ARHGAP6: variants seen among roughly 807,000 people sequenced by gnomAD.
ARHGAP6 encodes the protein rho GTPase-activating protein 6.
In ARHGAP6, 16 loss-of-function variants were observed where a neutral mutation model predicts 55.7. The observed-to-expected ratio is 0.29, with a 90% CI of 0.19 to 0.44. The LOEUF (loss-of-function observed/expected upper bound fraction) is 0.44. ARHGAP6 is among the 20% of genes least tolerant of loss of function. The pLI, the probability that ARHGAP6 is intolerant of heterozygous loss-of-function variation, is 1.00. For synonymous variants in ARHGAP6, 382 were observed against 360.9 expected, an observed-to-expected ratio of 1.06 and a Z score of -0.66; for missense variants, 698 against 808.9, an observed-to-expected ratio of 0.86 and a Z score of 1.66.
rs2052750984 is a variant in ARHGAP6 at position 11,665,720 on chromosome X, C to A, written c.-892G>T. The A allele has an allele frequency of 8.8e-6, 1 of 113,004 alleles. No individual in the cohort carries two copies. Among genetic ancestry groups the A allele is most frequent in the Admixed American group, 9.3e-5 (1 of 10,802 alleles). The allele number at this position is 113,004 out of a possible 1,213,427, so 9.3% of individuals were successfully genotyped here. On this transcript the variant is annotated 5_prime_UTR_variant, in exon 1 of 13. Transcript: ENST00000337414. ...CCCAGCCTTGGGCCCAGGGCAGACGCGGAGATGACCCCGTACGCTCGCTCT... is the reference window on the plus strand; with the variant it reads ...CCCAGCCTTGGGCCCAGGGCAGACGAGGAGATGACCCCGTACGCTCGCTCT...
chrX:11,183,249 T>C (rs924104219), intron 5 of ARHGAP6, among the ~76,000 whole-genome samples: 1 of 111,445 alleles, frequency 9.0e-6, no homozygotes, highest in Non-Finnish European at 1.9e-5. Context: ...ATGCAAAATA[T>C]TCTATTGTAT....
intron 1 of ARHGAP6, among the ~76,000 whole-genome samples, chrX:11,618,015 G>A (rs973281899): frequency 9.0e-6 from 1 of 111,585 alleles, no homozygotes. Flanking sequence ...TATTTATAAG[G>A]GAAAGAGGGA....
At chrX:11,142,351 A>T (rs373864959) in intron 11 of ARHGAP6, 38 bp from the exon 12 acceptor site, 2 of 998,458 alleles carry the variant, frequency 2.0e-6, no homozygotes, top group Non-Finnish European at 2.8e-6. Context: ...ATAACACAAA[A>T]GGAAAATTAA....
chrX:11,439,171 T>G (rs1302868757), intron 1 of ARHGAP6, among the ~76,000 whole-genome samples: 2 of 112,488 alleles, frequency 1.8e-5, no homozygotes, highest in African/African-American at 6.5e-5. Flanking sequence ...AGCATGTTGC[T>G]TTTCAACCAA....
chrX:11,579,877 C>G (rs1266443856), intron 1 of ARHGAP6, among the ~76,000 whole-genome samples: 1 of 112,035 alleles, frequency 8.9e-6, no homozygotes, highest in African/African-American at 3.2e-5. Context: ...GAGACAAAAT[C>G]TCCCCCAAGG....
At chrX:11,185,821 A>G (rs1186463557) in intron 5 of ARHGAP6, among the ~76,000 whole-genome samples, 1 of 111,403 alleles carries the variant, frequency 9.0e-6, no homozygotes, top group Non-Finnish European at 1.9e-5. Context: ...ATGATTCCCC[A>G]ATTTTTTTTT....
At chrX:11,599,737 T>C (rs1395959725) in intron 1 of ARHGAP6, among the ~76,000 whole-genome samples, 1 of 111,619 alleles carries the variant, frequency 9.0e-6, no homozygotes, top group Non-Finnish European at 1.9e-5. Context: ...CAATAGTGTA[T>C]ACTTGAAATT....
chrX:11,230,665 A>G (rs1296560664), intron 2 of ARHGAP6, among the ~76,000 whole-genome samples: 4 of 107,725 alleles, frequency 3.7e-5, no homozygotes, highest in Non-Finnish European at 5.8e-5. Flanking sequence ...ATACGTATAT[A>G]TGTGTGTGTG....
chrX:11,312,347 T>C lies in ARHGAP6; in HGVS notation c.589-57640A>G, dbSNP rs543128477. ...AAAGCAGGTCTTGAACTAAAAAGAATTAGACCAAAAAAGACAAAAATATTA... is the reference window on the plus strand; with the variant it reads ...AAAGCAGGTCTTGAACTAAAAAGAACTAGACCAAAAAAGACAAAAATATTA... On this transcript the variant is annotated intron_variant, in intron 1 of 12. Coordinates refer to ENST00000337414, the MANE Select transcript of ARHGAP6 (RefSeq NM_013427.3). Among the ~76,000 whole-genome samples, 86 of 111,926 alleles carry C rather than the reference T, an allele frequency of 7.7e-4. No homozygotes were observed. In the Middle Eastern group the frequency reaches 0.014, roughly 18 times the overall value.
intron 1 of ARHGAP6, among the ~76,000 whole-genome samples, chrX:11,257,457 T>C (rs1341162261): frequency 8.9e-6 from 1 of 112,170 alleles, no homozygotes; most frequent in Non-Finnish European, 1.9e-5. Flanking sequence ...AATCAGCGAG[T>C]GTGGCCATAT....
chrX:11,462,237 T>A (rs1199404906), intron 1 of ARHGAP6, among the ~76,000 whole-genome samples: 2 of 111,798 alleles, frequency 1.8e-5, no homozygotes, highest in East Asian at 5.6e-4. Flanking sequence ...ATCACACACA[T>A]CTAATTCTCT....
intron 1 of ARHGAP6, among the ~76,000 whole-genome samples, chrX:11,480,703 T>C (rs947549268): frequency 4.5e-5 from 5 of 112,280 alleles, no homozygotes; most frequent in Non-Finnish European, 9.4e-5. Flanking sequence ...CCCAGTCTTT[T>C]TTAGTTGAAA....
At chrX:11,522,969 G>A (rs754202599) in intron 1 of ARHGAP6, among the ~76,000 whole-genome samples, 2 of 111,467 alleles carry the variant, frequency 1.8e-5, no homozygotes, top group African/African-American at 3.3e-5. Context: ...GATGAACATC[G>A]ATGCAAAAAT....
At chrX:11,225,881 A>G (rs2047039411) in intron 2 of ARHGAP6, 2 of 206,376 alleles carry the variant, frequency 9.7e-6, no homozygotes, top group Non-Finnish European at 1.8e-5. Context: ...TGACTTTATT[A>G]ATATTTGTTC....
intron 1 of ARHGAP6, among the ~76,000 whole-genome samples, chrX:11,333,923 A>G (rs2048594501): frequency 8.9e-6 from 1 of 111,758 alleles, no homozygotes; most frequent in Non-Finnish European, 1.9e-5. Context: ...ATAATTGACA[A>G]GTTTTTTGGT....
At chrX:11,276,642 GCCA>G (rs1569282500) in intron 1 of ARHGAP6, among the ~76,000 whole-genome samples, 1 of 111,570 alleles carries the variant, frequency 9.0e-6, no homozygotes, top group East Asian at 2.8e-4. Flanking sequence ...GTGAAAACAA[GCCA>G]TCTGCACTTA....
At chrX:11,325,007 C>T (rs978513179) in intron 1 of ARHGAP6, among the ~76,000 whole-genome samples, 28 of 110,840 alleles carry the variant, frequency 2.5e-4, no homozygotes, top group African/African-American at 7.9e-4. Context: ...TACAGGCGCC[C>T]GCCACCGCGC....
chrX:11,195,609 C>T (rs996398805), intron 3 of ARHGAP6, among the ~76,000 whole-genome samples: 1 of 110,348 alleles, frequency 9.1e-6, no homozygotes, highest in African/African-American at 3.3e-5. Context: ...GGGAGCTAAA[C>T]ATGTTCATAT....
Position 11,660,549 on chromosome X carries a change from A to C in ARHGAP6, c.588+3692T>G, listed in dbSNP as rs1014497204. Among the ~76,000 whole-genome samples, 21 of 60,381 alleles carry C rather than the reference A, an allele frequency of 3.5e-4. 1 individual carries two copies. Among genetic ancestry groups the C allele is most frequent in the Admixed American group, 1.1e-3 (7 of 6,164 alleles). 52.4% of individuals were successfully genotyped at this position (60,381 alleles called of 115,157 possible). A position where few individuals can be genotyped will look rare whatever the true frequency, so the allele number is the denominator to read the frequency against. ...CTCTCTCAAAAAAAAAAAAAAAAAA[A>C]AAAAAAAAAAAAAAAAAAAAAAAAA... On this transcript the variant is annotated intron_variant, in intron 1 of 12. Coordinates refer to ENST00000337414, the MANE Select transcript of ARHGAP6 (RefSeq NM_013427.3).
Sources: allele counts gnomAD v4.1 joint callset (sites outside exome capture counted in the v4.1 genomes callset), GRCh38; gene constraint gnomAD v4.1.1; transcripts MANE v1.5; gene names NCBI Gene and HGNC (gene_info 2026-07-23, HGNC 2026-07-21).